Variants in HMCN1 observed in about 807,000 individuals in gnomAD.
The protein encoded by HMCN1 is hemicentin-1.
Under a neutral mutation model 625.9 loss-of-function variants are expected in HMCN1, and 321 were observed. The ratio of observed to expected loss-of-function variants is 0.51; its 90% CI spans 0.47 to 0.56. The LOEUF is 0.56. Among genes scored for constraint, HMCN1 ranks in the 20% least tolerant of loss-of-function variants. The pLI, the probability that HMCN1 is intolerant of heterozygous loss-of-function variation, is 0.00. For synonymous variants in HMCN1, 2,425 were observed against 2,417.6 expected, an observed-to-expected ratio of 1.00 and a Z score of -0.09; for missense variants, 6,588 against 6,887.3, an observed-to-expected ratio of 0.96 and a Z score of 1.54.
At chr1:185,770,189 G>C (rs1239531961) in intron 1 of HMCN1, among the ~76,000 whole-genome samples, 3 of 152,188 alleles carry the variant, frequency 2.0e-5, no homozygotes, top group African/African-American at 4.8e-5. Context: ...TCTCTATAGA[G>C]AAAGGACTGA....
chr1:185,785,109 T>G (rs1286845881), intron 1 of HMCN1, among the ~76,000 whole-genome samples: 1 of 152,252 alleles, frequency 6.6e-6, no homozygotes, highest in African/African-American at 2.4e-5. Context: ...TGCTTCTGGC[T>G]TTGGGAATAT....
At chr1:185,833,734 C>T (rs895524249) in intron 1 of HMCN1, among the ~76,000 whole-genome samples, 6 of 152,028 alleles carry the variant, frequency 3.9e-5, no homozygotes, top group African/African-American at 1.4e-4. Context: ...GGATTAAGTA[C>T]CATAATTATA....
chr1:186,020,319 A>T (rs1210576594), intron 35 of HMCN1, among the ~76,000 whole-genome samples: 1 of 152,038 alleles, frequency 6.6e-6, no homozygotes. Flanking sequence ...AATCAGAATT[A>T]ATAGATTTTG....
At chr1:186,088,537 C>G (rs1426631710) in intron 62 of HMCN1, 69 bp from the exon 63 acceptor site, 1 of 1,539,276 alleles carries the variant, frequency 6.5e-7, no homozygotes, top group Non-Finnish European at 8.9e-7. Context: ...GACATTTTAT[C>G]ATGAATTTTA....
At chr1:185,964,947 T>TA (rs577200357) in intron 13 of HMCN1, among the ~76,000 whole-genome samples, 38 of 150,946 alleles carry the variant, frequency 2.5e-4, no homozygotes, top group African/African-American at 6.6e-4. Context: ...AGGGTAAGGT[T>TA]AAAAAAAAAG....
chr1:186,007,231 G>A lies in HMCN1; in HGVS notation c.4579G>A (p.Val1527Met), dbSNP rs1467498288. The change falls in exon 30 of 107, where the codon GTG becomes ATG. Residue 1527 changes from valine (V) to methionine (M), a missense_variant. Physicochemically the swap from Val to Met is conservative, Grantham distance 21. This residue lies in a region of HMCN1 where 4,628 missense variants were observed against 4,853.1 expected (regional missense o/e 0.95). Coordinates refer to ENST00000271588, the MANE Select transcript of HMCN1 (RefSeq NM_031935.3). ...TGACAAGGGGCGCTACCAATGTACT[G>A]TGTCTAATGCAGCTGGCAAACAAGC... is the stretch of plus-strand genomic sequence containing the variant. The part of the protein sequence containing the change: ...RNDKGRYQCT[V>M]SNAAGKQAKD... The A allele has an allele frequency of 6.2e-7, 1 of 1,613,598 alleles. No homozygotes were observed. Among genetic ancestry groups the A allele is most frequent in the African/African-American group, 1.3e-5 (1 of 74,904 alleles).
chr1:186,135,320 C>A (rs185915460), intron 86 of HMCN1, among the ~76,000 whole-genome samples: 1 of 152,206 alleles, frequency 6.6e-6, no homozygotes, highest in Non-Finnish European at 1.5e-5. Context: ...TTCTTCCTAC[C>A]TCAGTGATTC....
chr1:185,953,463 A>G (rs2102538354), intron 11 of HMCN1, among the ~76,000 whole-genome samples: 1 of 151,992 alleles, frequency 6.6e-6, no homozygotes, highest in Non-Finnish European at 1.5e-5. Flanking sequence ...CACGGATAAA[A>G]CGTGTCTCCT....
intron 1 of HMCN1, among the ~76,000 whole-genome samples, chr1:185,780,256 A>G (rs935479873): frequency 7.9e-5 from 12 of 152,264 alleles, no homozygotes; most frequent in Middle Eastern, 3.4e-3. Context: ...GGCTGAGATG[A>G]TGGGGTTTTC....
At chr1:186,042,574 C>G (rs1656280838) in intron 40 of HMCN1, among the ~76,000 whole-genome samples, 1 of 152,092 alleles carries the variant, frequency 6.6e-6, no homozygotes, top group African/African-American at 2.4e-5. Flanking sequence ...TAAGATACTT[C>G]TATACTACTT....
chr1:186,040,897 A>G, intron 39 of HMCN1, 116 bp from the exon 40 acceptor site: 1 of 1,111,168 alleles, frequency 9.0e-7, no homozygotes, highest in Non-Finnish European at 1.4e-6. Context: ...TCCAAGGGAA[A>G]ATCTTCCTAA....
chr1:186,103,840 A>T (rs1660493759), intron 69 of HMCN1, among the ~76,000 whole-genome samples, 172 bp downstream of exon 69: 3 of 152,200 alleles, frequency 2.0e-5, no homozygotes, highest in African/African-American at 7.2e-5. Flanking sequence ...GATTAAAAGG[A>T]AGACAAAGCA....
chr1:186,038,978 G>A lies in HMCN1; in HGVS notation c.6001G>A (p.Glu2001Lys). Residue 2001 changes from glutamate (E) to lysine (K), a missense_variant, in exon 38 of 107, where the codon GAG becomes AAG. By Grantham distance (56) the Glu-to-Lys change is moderately conservative. Transcript: ENST00000271588. ...CVAINSAGAT[E>K]LFYSLQVHVA... ...GGCCATCAACTCAGCTGGAGCTACAGAGTTATTTTACAGTCTGCAAGTTCA... is the reference window on the plus strand; with the variant it reads ...GGCCATCAACTCAGCTGGAGCTACAAAGTTATTTTACAGTCTGCAAGTTCA... 6.2e-7 allele frequency: 1 copy of A among 1,612,898 alleles called. No homozygotes were observed. The highest frequency in any genetic ancestry group is 8.5e-7 in the Non-Finnish European group (1 of 1,179,072).
Position 185,928,690 on chromosome 1 carries a change from C to T in HMCN1, c.1552+23C>T, listed in dbSNP as rs368663729. ...CAGGTAATTACCACTAATTTCTTTG[C>T]AGTTGCCCAAGTATTAATGCAGCTA... On this transcript the variant is annotated intron_variant, in intron 10 of 106. Transcript: ENST00000271588. 41 of 1,611,432 alleles carry T rather than the reference C, an allele frequency of 2.5e-5. 2 individuals carry two copies. The East Asian group carries it at 3.8e-4, about 15-fold the overall frequency.
chr1:185,884,607 A>C (rs1426520709), intron 4 of HMCN1, among the ~76,000 whole-genome samples: 2 of 151,960 alleles, frequency 1.3e-5, no homozygotes, highest in Non-Finnish European at 2.9e-5. Flanking sequence ...ATTTTGCCTA[A>C]TGGCTTTAGT....
chr1:186,035,201 AAC>A (rs1476931187), intron 36 of HMCN1, among the ~76,000 whole-genome samples: 1 of 152,182 alleles, frequency 6.6e-6, no homozygotes, highest in Non-Finnish European at 1.5e-5. Flanking sequence ...AGAAAACAGA[AAC>A]ATTCTAGGCA....
intron 33 of HMCN1, among the ~76,000 whole-genome samples, chr1:186,017,902 A>T (rs1367161903): frequency 6.6e-6 from 1 of 151,968 alleles, no homozygotes; most frequent in East Asian, 1.9e-4. Context: ...CACCTCAAGC[A>T]TTTATCCTTT....
intron 16 of HMCN1, among the ~76,000 whole-genome samples, chr1:185,978,438 C>T (rs930894784): frequency 6.6e-6 from 1 of 152,054 alleles, no homozygotes; most frequent in African/African-American, 2.4e-5. Context: ...GCAAAAGATC[C>T]CTGCCACCCC....
rs1351745476 is a variant in HMCN1 at position 185,835,562 on chromosome 1, A to G, written c.269-10464A>G. Among the ~76,000 whole-genome samples the G allele has an allele frequency of 2.0e-5, 3 of 151,904 alleles. 1 individual carries two copies. Among genetic ancestry groups the G allele is most frequent in the Admixed American group, 6.6e-5 (1 of 15,222 alleles). On this transcript the variant is annotated intron_variant, in intron 1 of 106. Coordinates refer to ENST00000271588, the MANE Select transcript of HMCN1 (RefSeq NM_031935.3). ...AGACTGGAACAAAATAATTAACTTC[A>G]TTGACCTTACAGAGACTAGGATAAT...
Sources: gnomAD v4.1 joint callset for allele counts (sites outside exome capture counted in the v4.1 genomes callset) on GRCh38, gnomAD v4.1.1 for gene constraint, gnomAD v4.1.1 regional missense constraint, MANE v1.5 for transcripts, NCBI Gene and HGNC (gene_info 2026-07-23, HGNC 2026-07-21) for gene names.